Variants in SLC25A13 observed in about 807,000 individuals in gnomAD.
SLC25A13 encodes the protein solute carrier family 25 member 13, also known as electrogenic aspartate/glutamate antiporter SLC25A13, mitochondrial.
SLC25A13 carries 70 observed loss-of-function variants against 85.5 expected under a neutral mutation model. The ratio of observed to expected loss-of-function variants is 0.82; its 90% CI spans 0.68 to 1.00. The LOEUF is 1.00. SLC25A13 is among the 50% of genes least tolerant of loss of function. SLC25A13 has a pLI of 0.00. For synonymous variants in SLC25A13, 259 were observed against 288.7 expected (o/e 0.90, Z 1.04); for missense variants, 765 against 819.8 (o/e 0.93, Z 0.82).
At chr7:96,226,044 G>GAAA (rs1262962152) in intron 4 of SLC25A13, among the ~76,000 whole-genome samples, 1 of 151,546 alleles carries the variant, frequency 6.6e-6, no homozygotes, top group East Asian at 1.9e-4. Flanking sequence ...CACTTAACAT[G>GAAA]AGATCTACCC....
At chr7:96,185,841 A>G (rs565618052) in intron 9 of SLC25A13, among the ~76,000 whole-genome samples, 20 of 152,112 alleles carry the variant, frequency 1.3e-4, no homozygotes, top group Non-Finnish European at 2.6e-4. Context: ...TGAAGCTTGC[A>G]GTGAGCCGAG....
chr7:96,146,001 T>C (rs184589897), intron 14 of SLC25A13, among the ~76,000 whole-genome samples: 171 of 152,310 alleles, frequency 1.1e-3, no homozygotes, highest in African/African-American at 3.8e-3. Flanking sequence ...GGTTGGCATA[T>C]AGGCAGACAG....
chr7:96,175,502 G>A (rs148657571), intron 11 of SLC25A13, among the ~76,000 whole-genome samples: 1 of 152,216 alleles, frequency 6.6e-6, no homozygotes, highest in Admixed American at 6.5e-5. Flanking sequence ...AGTGGCTTTT[G>A]TTTTATCCAC....
intron 5 of SLC25A13, among the ~76,000 whole-genome samples, chr7:96,201,254 A>T (rs1204082021): frequency 6.6e-6 from 1 of 152,132 alleles, no homozygotes; most frequent in Non-Finnish European, 1.5e-5. Flanking sequence ...TCATGCCTGT[A>T]ATCTCAGCAC....
At chr7:96,264,676 T>C (rs1008582358) in intron 3 of SLC25A13, among the ~76,000 whole-genome samples, 2 of 152,158 alleles carry the variant, frequency 1.3e-5, no homozygotes, top group African/African-American at 4.8e-5. Flanking sequence ...CTCTATTACA[T>C]GGTAATATAA....
chr7:96,236,118 T>A (rs1186123223), intron 3 of SLC25A13, among the ~76,000 whole-genome samples: 3 of 152,158 alleles, frequency 2.0e-5, no homozygotes, highest in Non-Finnish European at 4.4e-5. Flanking sequence ...ACTTAGCTGT[T>A]TCCCAGAATG....
At chr7:96,234,961 G>T in intron 3 of SLC25A13, 44 bp from the exon 4 acceptor site, 2 of 1,437,428 alleles carry the variant, frequency 1.4e-6, no homozygotes, top group Non-Finnish European at 2.0e-6. Context: ...GTAGCTTGTG[G>T]AAAACAGAAG....
intron 2 of SLC25A13, among the ~76,000 whole-genome samples, chr7:96,292,313 A>G (rs1229072253): frequency 6.6e-6 from 1 of 152,194 alleles, no homozygotes; most frequent in Non-Finnish European, 1.5e-5. Flanking sequence ...ACAAACCCAC[A>G]GCCAATATCA....
At chr7:96,157,080 C>T (rs1198673169) in intron 13 of SLC25A13, among the ~76,000 whole-genome samples, 1 of 152,160 alleles carries the variant, frequency 6.6e-6, no homozygotes, top group Non-Finnish European at 1.5e-5. Context: ...TTCATAAATT[C>T]ACCTTTGCAT....
intron 13 of SLC25A13, among the ~76,000 whole-genome samples, chr7:96,165,468 C>T (rs1232209267): frequency 1.3e-5 from 2 of 152,162 alleles, no homozygotes; most frequent in African/African-American, 2.4e-5. Context: ...ACATCTGTAA[C>T]AGACATACGC....
chr7:96,122,094 A>C, intron 15 of SLC25A13, 97 bp from the exon 16 acceptor site: 1 of 1,509,258 alleles, frequency 6.6e-7, no homozygotes. Context: ...GAAAGTTAAA[A>C]ATCCGATTCA....
chr7:96,153,099 T>A (rs979611248), intron 13 of SLC25A13, among the ~76,000 whole-genome samples: 1 of 152,230 alleles, frequency 6.6e-6, no homozygotes, highest in African/African-American at 2.4e-5. Context: ...GTACAAGTTC[T>A]GAATGGAGGA....
chr7:96,207,346 C>T (rs1360251770), intron 5 of SLC25A13, among the ~76,000 whole-genome samples: 3 of 152,116 alleles, frequency 2.0e-5, no homozygotes, highest in Non-Finnish European at 2.9e-5. Flanking sequence ...ATGGACACCA[C>T]AAAATCTTTA....
At chr7:96,253,090 T>C (rs1316809412) in intron 3 of SLC25A13, among the ~76,000 whole-genome samples, 1 of 151,970 alleles carries the variant, frequency 6.6e-6, no homozygotes, top group Non-Finnish European at 1.5e-5. Flanking sequence ...CAAGGCTCCA[T>C]CTCAAAAAAG....
chr7:96,306,739 C>T, intron 1 of SLC25A13: 2 of 1,044,304 alleles, frequency 1.9e-6, no homozygotes. Context: ...TCTTTTGTGC[C>T]CTTCATCCCT....
intron 14 of SLC25A13, among the ~76,000 whole-genome samples, chr7:96,134,237 C>T (rs1031457142): frequency 1.3e-5 from 2 of 151,792 alleles, no homozygotes; most frequent in African/African-American, 4.8e-5. Context: ...GGTTTCACCA[C>T]GTTGGGCAGG....
chr7:96,160,092 A>G (rs1449610702), intron 13 of SLC25A13, among the ~76,000 whole-genome samples: 1 of 152,230 alleles, frequency 6.6e-6, no homozygotes, highest in Non-Finnish European at 1.5e-5. Flanking sequence ...TTAATGATTT[A>G]CAGACCTTCA....
chr7:96,277,289 A>C lies in SLC25A13; in HGVS notation c.119T>G (p.Phe40Cys). The C allele has an allele frequency of 6.2e-7, 1 of 1,613,080 alleles. No homozygotes were observed. Reference protein sequence around the residue: ...NGEFFMSPNDFVTRYLNIFGE... With the variant: ...NGEFFMSPNDCVTRYLNIFGE... The stretch of plus-strand genomic sequence containing the variant: ...AAAAATGTTCAAGTATCGAGTGACA[A>C]AGTCATTGGGGGACATGAAAAATTC... The change falls in exon 3 of 18, where the codon TTT becomes TGT. Residue 40 changes from phenylalanine (F) to cysteine (C), a missense_variant. Physicochemically the swap from Phe to Cys is radical, Grantham distance 205. Transcript: ENST00000265631.
intron 13 of SLC25A13, among the ~76,000 whole-genome samples, chr7:96,159,280 G>A (rs924443413): frequency 9.2e-5 from 14 of 152,102 alleles, no homozygotes; most frequent in South Asian, 2.1e-4. Flanking sequence ...GCTGAATTGC[G>A]TCTCTCCAAA....
Sources: allele counts gnomAD v4.1 joint callset (sites outside exome capture counted in the v4.1 genomes callset), GRCh38; gene constraint gnomAD v4.1.1; transcripts MANE v1.5; gene names NCBI Gene and HGNC (gene_info 2026-07-23, HGNC 2026-07-21).